Variants in DISP1 observed in about 807,000 individuals in gnomAD.
DISP1 encodes dispatched RND transporter family member 1.
A neutral mutation model predicts 37.3 loss-of-function variants in DISP1; 30 were observed. That is an observed-to-expected ratio of 0.80 (90% CI 0.60 to 1.09). DISP1 has a LOEUF of 1.09. Among genes scored for constraint, DISP1 ranks in the 50% least tolerant of loss-of-function variants. DISP1 has a pLI of 0.00. For synonymous variants in DISP1, 634 were observed against 690.2 expected, an observed-to-expected ratio of 0.92 and a Z score of 1.28; for missense variants, 1,598 against 1,879.5, an observed-to-expected ratio of 0.85 and a Z score of 2.77.
At chr1:222,949,459 T>G (rs928474013) in intron 3 of DISP1, among the ~76,000 whole-genome samples, 2 of 152,142 alleles carry the variant, frequency 1.3e-5, no homozygotes, top group Non-Finnish European at 2.9e-5. Context: ...CTATTTTAAT[T>G]ATTGCCAAAT....
At position 222,893,540 on chromosome 1, in the gene DISP1, A is replaced by G. The variant is rs1298971883; in HGVS notation, c.-158-34890A>G. Among the ~76,000 whole-genome samples the G allele has an allele frequency of 6.6e-6, 1 of 152,226 alleles. No individual in the cohort carries two copies. The highest frequency in any genetic ancestry group is 2.4e-5 in the African/African-American group (1 of 41,468). ...GTCTGGCTGCTGTGCACAGACAGCT[A>G]GGCACATCAGCTGCTGTGGCAGGGC... On this transcript the variant is annotated intron_variant, in intron 1 of 8. Coordinates refer to ENST00000675850, the MANE Select transcript of DISP1 (RefSeq NM_001377229.1). This position sits in a 1 kb window ranked among gnomAD's most constrained non-coding sequence, Gnocchi z 4.3.
At chr1:222,929,227 T>A (rs1673248463) in intron 2 of DISP1, among the ~76,000 whole-genome samples, 1 of 152,196 alleles carries the variant, frequency 6.6e-6, no homozygotes, top group Non-Finnish European at 1.5e-5. Context: ...TGCATATGAT[T>A]GGATTTACTA....
intron 1 of DISP1, among the ~76,000 whole-genome samples, chr1:222,838,911 T>G (rs1667418839): frequency 6.6e-6 from 1 of 152,252 alleles, no homozygotes; most frequent in Non-Finnish European, 1.5e-5. Context: ...GTGGATTGTA[T>G]TTTTGTTTGT....
chr1:222,967,742 GA>G (rs1676610673), intron 3 of DISP1, among the ~76,000 whole-genome samples: 1 of 152,190 alleles, frequency 6.6e-6, no homozygotes. Context: ...TGCTTTGTAA[GA>G]AAGATCTATA....
At chr1:222,896,470 G>A (rs1454934202) in intron 1 of DISP1, among the ~76,000 whole-genome samples, 1 of 151,882 alleles carries the variant, frequency 6.6e-6, no homozygotes, top group Non-Finnish European at 1.5e-5. Flanking sequence ...GTGTGCTGGT[G>A]GGCGCCTGTA....
intron 1 of DISP1, among the ~76,000 whole-genome samples, chr1:222,899,110 A>G (rs985681554): frequency 6.6e-6 from 1 of 152,186 alleles, no homozygotes; most frequent in Non-Finnish European, 1.5e-5. Flanking sequence ...TTATATGAAT[A>G]TAGTCCTTTA....
At chr1:222,841,347 T>TA (rs1169132592) in intron 1 of DISP1, among the ~76,000 whole-genome samples, 10 of 152,210 alleles carry the variant, frequency 6.6e-5, no homozygotes, top group African/African-American at 2.4e-4. Flanking sequence ...GTGCTGTTCT[T>TA]AAACCATTTA....
chr1:222,964,413 T>C (rs1274853365), intron 3 of DISP1, among the ~76,000 whole-genome samples: 1 of 152,218 alleles, frequency 6.6e-6, no homozygotes, highest in African/African-American at 2.4e-5. Flanking sequence ...CACCACTCTA[T>C]GCTGTGCAAA....
chr1:222,853,803 G>A (rs896386293), intron 1 of DISP1, among the ~76,000 whole-genome samples: 1 of 152,086 alleles, frequency 6.6e-6, no homozygotes, highest in Non-Finnish European at 1.5e-5. Flanking sequence ...AGCTAGATAG[G>A]GGAATAAGGT....
intron 3 of DISP1, chr1:222,979,791 C>T: frequency 2.8e-6 from 1 of 361,854 alleles, no homozygotes; most frequent in Non-Finnish European, 5.8e-6. Context: ...CGCTGCAGGT[C>T]AGGAGGCTGC....
At chr1:222,882,410 A>G (rs1670332783) in intron 1 of DISP1, among the ~76,000 whole-genome samples, 1 of 152,192 alleles carries the variant, frequency 6.6e-6, no homozygotes, top group Non-Finnish European at 1.5e-5. Flanking sequence ...ATTCTATTTT[A>G]GTAACCTGGG....
intron 8 of DISP1, among the ~76,000 whole-genome samples, chr1:222,998,585 G>A (rs984345936): frequency 6.6e-6 from 1 of 152,114 alleles, no homozygotes; most frequent in African/African-American, 2.4e-5. Flanking sequence ...TTCAAAAGGA[G>A]CTTCAGTTGA....
chr1:222,892,038 A>G (rs1026839111), intron 1 of DISP1, among the ~76,000 whole-genome samples: 6 of 152,100 alleles, frequency 3.9e-5, no homozygotes, highest in Non-Finnish European at 7.4e-5. Flanking sequence ...CCTTACATAA[A>G]GATACGTAAG....
At chr1:222,903,733 G>T (rs1159118108) in intron 1 of DISP1, among the ~76,000 whole-genome samples, 1 of 152,046 alleles carries the variant, frequency 6.6e-6, no homozygotes, top group Non-Finnish European at 1.5e-5. Context: ...AAATTAGATG[G>T]TATCATAGAT....
chr1:222,985,052 CAA>C (rs1284909998), intron 4 of DISP1, among the ~76,000 whole-genome samples: 1 of 151,710 alleles, frequency 6.6e-6, no homozygotes, highest in Non-Finnish European at 1.5e-5. Flanking sequence ...TGCAAAAAAA[CAA>C]GAGAGAAAGA....
chr1:222,851,059 T>A (rs1668201787), intron 1 of DISP1, among the ~76,000 whole-genome samples: 1 of 148,056 alleles, frequency 6.8e-6, no homozygotes, highest in Admixed American at 7.0e-5. Flanking sequence ...TATGCATTTT[T>A]AATTTTTTTT....
intron 1 of DISP1, among the ~76,000 whole-genome samples, chr1:222,923,093 T>C (rs17536299): frequency 6.6e-6 from 1 of 152,210 alleles, no homozygotes; most frequent in African/African-American, 2.4e-5. Context: ...GTAAGTAGCC[T>C]GAGGACTAGC....
chr1:222,883,697 A>G (rs1670409391), intron 1 of DISP1, among the ~76,000 whole-genome samples: 2 of 152,228 alleles, frequency 1.3e-5, no homozygotes, highest in South Asian at 4.1e-4. Flanking sequence ...CACAGGCATA[A>G]GCATATTGTT....
intron 1 of DISP1, among the ~76,000 whole-genome samples, chr1:222,870,921 T>C (rs1238684551): frequency 3.9e-5 from 6 of 152,218 alleles, no homozygotes; most frequent in Non-Finnish European, 7.3e-5. Flanking sequence ...TTTATGGTTT[T>C]AGGTCTTACA....
Sources: gnomAD v4.1 joint callset for allele counts (sites outside exome capture counted in the v4.1 genomes callset) on GRCh38, gnomAD v4.1.1 for gene constraint, Gnocchi (gnomAD v3.1) non-coding constraint, MANE v1.5 for transcripts, NCBI Gene and HGNC (gene_info 2026-07-23, HGNC 2026-07-21) for gene names.